The following TYW1B variants were observed in gnomAD, a reference collection of about 807,000 sequenced individuals.
TYW1B encodes the protein tRNA-yW synthesizing protein 1 homolog B.
Under a neutral mutation model 86.9 loss-of-function variants are expected in TYW1B, and 73 were observed. The observed-to-expected ratio is 0.84, with a 90% confidence interval of 0.70 to 1.02. The LOEUF is 1.02. Ranked by LOEUF, TYW1B falls within the 50% of genes least tolerant of loss-of-function variation. The pLI, the probability that TYW1B is intolerant of heterozygous loss-of-function variation, is 0.00. For synonymous variants in TYW1B, 248 were observed against 292.8 expected (o/e 0.85, Z 1.56); for missense variants, 637 against 827.4 (o/e 0.77, Z 2.82).
chr7:72,601,727 A>T (rs1554433771), intron 13 of TYW1B, among the ~76,000 whole-genome samples: 1 of 151,782 alleles, frequency 6.6e-6, no homozygotes, highest in Non-Finnish European at 1.5e-5. Context: ...TGCACGAAAG[A>T]ATCTTAAATG....
chr7:72,667,607 G>A (rs781933796), intron 11 of TYW1B, among the ~76,000 whole-genome samples: 7 of 152,114 alleles, frequency 4.6e-5, no homozygotes, highest in African/African-American at 1.4e-4. Flanking sequence ...CCAGCTACTC[G>A]GAAGGCTGAG....
intron 11 of TYW1B, among the ~76,000 whole-genome samples, chr7:72,643,436 A>T (rs1407521089): frequency 6.6e-6 from 1 of 151,880 alleles, no homozygotes; most frequent in Admixed American, 6.6e-5. Context: ...AAAATTCAAA[A>T]ATTAGCCAGG....
At chr7:72,625,128 G>T (rs369869202) in intron 12 of TYW1B, among the ~76,000 whole-genome samples, 2 of 151,918 alleles carry the variant, frequency 1.3e-5, no homozygotes, top group East Asian at 3.9e-4. Context: ...AAATCTCTCA[G>T]AGTAGGTCAT....
At chr7:72,784,793 C>T (rs1451386984) in intron 6 of TYW1B, among the ~76,000 whole-genome samples, 6 of 152,082 alleles carry the variant, frequency 3.9e-5, no homozygotes, top group Admixed American at 1.3e-4. Context: ...CCACTGCGCC[C>T]GGCCTCCTAA....
At chr7:72,726,677 T>C (rs1408824141) in intron 9 of TYW1B, among the ~76,000 whole-genome samples, 2 of 152,162 alleles carry the variant, frequency 1.3e-5, no homozygotes, top group African/African-American at 2.4e-5. Context: ...TGAATAATTA[T>C]CTTTTATAAA....
rs190234723 is a variant in TYW1B at position 72,639,043 on chromosome 7, G to C, written c.1507-10046C>G. Among the ~76,000 whole-genome samples the C allele has an allele frequency of 5.3e-5, 8 of 152,186 alleles. No individual in the cohort carries two copies. In the East Asian group the frequency reaches 1.4e-3, roughly 26 times the overall value. ...CACACAAGAAAGGGAAACAGGATTGGAGCAATCACATTACAAGAAGTATAA... is the reference window on the plus strand; with the variant it reads ...CACACAAGAAAGGGAAACAGGATTGCAGCAATCACATTACAAGAAGTATAA... On this transcript the variant is annotated intron_variant, in intron 11 of 13. Coordinates refer to ENST00000620995, the MANE Select transcript of TYW1B (RefSeq NM_001145440.3).
intron 13 of TYW1B, among the ~76,000 whole-genome samples, chr7:72,603,274 AGAC>A (rs1554434225): frequency 2.0e-5 from 3 of 151,382 alleles, no homozygotes; most frequent in Non-Finnish European, 4.4e-5. Flanking sequence ...ATGGACAGAC[AGAC>A]GACAGACAAA....
chr7:72,694,695 C>A lies in TYW1B; in HGVS notation c.1498G>T (p.Ala500Ser), dbSNP rs1306275500. The A allele has an allele frequency of 4.4e-6, 7 of 1,608,570 alleles. No individual in the cohort carries two copies. Among genetic ancestry groups the A allele is most frequent in the African/African-American group, 2.7e-5 (2 of 74,564 alleles). ...QQFLDSLKAL[A>S]VKQQRTVYRL... Reference sequence around the variant, plus strand: ...GATGTCATAATTCTTACCTTGACTGCCAAGGCTTTTAAACTGTCAAGGAAT... The same window carrying A: ...GATGTCATAATTCTTACCTTGACTGACAAGGCTTTTAAACTGTCAAGGAAT... Residue 500 changes from alanine to serine, a missense_variant, in exon 11 of 14, where the codon GCA (alanine) becomes TCA (serine). By Grantham distance (99) the Ala-to-Ser change is moderately conservative. Coordinates refer to ENST00000620995, the MANE Select transcript of TYW1B (RefSeq NM_001145440.3).
chr7:72,653,520 T>G (rs1446450690), intron 11 of TYW1B, among the ~76,000 whole-genome samples: 3 of 151,846 alleles, frequency 2.0e-5, no homozygotes, highest in Non-Finnish European at 2.9e-5. Flanking sequence ...GGCAGGAGAA[T>G]GGCGTGAACC....
intron 7 of TYW1B, among the ~76,000 whole-genome samples, chr7:72,775,731 A>G (rs1429485698): frequency 4.2e-5 from 6 of 142,948 alleles, no homozygotes; most frequent in Non-Finnish European, 9.3e-5. Flanking sequence ...TTTAAATTAG[A>G]AAAAAAAAAA....
intron 7 of TYW1B, among the ~76,000 whole-genome samples, chr7:72,765,059 G>A (rs1787748246): frequency 6.6e-6 from 1 of 151,978 alleles, no homozygotes; most frequent in African/African-American, 2.4e-5. Context: ...TATAAACATC[G>A]GTTATATACC....
intron 9 of TYW1B, among the ~76,000 whole-genome samples, chr7:72,724,971 CTT>C (rs1205305146): frequency 4.6e-5 from 7 of 152,092 alleles, no homozygotes; most frequent in African/African-American, 1.7e-4. Flanking sequence ...TTTTAAAACT[CTT>C]TTGTTTTCCT....
At position 72,793,744 on chromosome 7, in the gene TYW1B, G is replaced by C. The variant is rs565715111; in HGVS notation, c.846+8656C>G. 1.3e-3 allele frequency among the ~76,000 whole-genome samples: 186 copies of C among 144,478 alleles called. 1 individual carries two copies. Among genetic ancestry groups the C allele is most frequent in the Non-Finnish European group, 2.3e-3 (156 of 66,974 alleles). 94.8% of individuals were successfully genotyped at this position (144,478 alleles called of 152,430 possible). A position where few individuals can be genotyped will look rare whatever the true frequency, so the allele number is the denominator to read the frequency against. ...CACTCCAGCCTTGGCGACAGAACGA[G>C]ACTCCGTCTCAAAAAAAAAAAAAAA... On this transcript the variant is annotated intron_variant, in intron 6 of 13. Coordinates refer to ENST00000620995, the MANE Select transcript of TYW1B (RefSeq NM_001145440.3).
intron 11 of TYW1B, among the ~76,000 whole-genome samples, chr7:72,682,337 C>T (rs1554448595): frequency 6.6e-6 from 1 of 151,976 alleles, no homozygotes; most frequent in African/African-American, 2.4e-5. Context: ...GATGGTTCAT[C>T]AATAAATGGT....
rs1203965930 is a variant in TYW1B, at chr7:72,710,817, TAAAC to T, written c.1370+2800_1370+2803del. On this transcript the variant is annotated intron_variant, in intron 10 of 13. Transcript: ENST00000620995. ...AGCTAGACTTTGTCTCAAAAATAAA[TAAAC>T]AAATATTTCAAGCTGACTCTGTGTG... is the stretch of plus-strand genomic sequence containing the variant. 5.9e-5 allele frequency among the ~76,000 whole-genome samples: 9 copies of T among 152,204 alleles called. No individual in the cohort carries two copies. In the East Asian group the frequency reaches 1.5e-3, roughly 26 times the overall value.
At chr7:72,806,103 T>C (rs1554476624) in intron 5 of TYW1B, among the ~76,000 whole-genome samples, 1 of 152,014 alleles carries the variant, frequency 6.6e-6, no homozygotes, top group East Asian at 1.9e-4. Context: ...CTCAGGATAA[T>C]GAGACGTGAG....
rs189990527 is a variant in TYW1B, at chr7:72,622,755, C to T, written c.1618-5916G>A. Among the ~76,000 whole-genome samples, 370 of 150,328 alleles carry T rather than the reference C, an allele frequency of 2.5e-3. 14 individuals are homozygous for T. Among genetic ancestry groups the T allele is most frequent in the Admixed American group, 0.022 (336 of 15,120 alleles). On this transcript the variant is annotated intron_variant, in intron 12 of 13. Coordinates refer to ENST00000620995, the MANE Select transcript of TYW1B (RefSeq NM_001145440.3). ...TGCACACATACAACACACACAAGTG[C>T]ACACACCACACACATGCACGCACAC...
chr7:72,648,412 G>A (rs1457057676), intron 11 of TYW1B, among the ~76,000 whole-genome samples: 2 of 151,882 alleles, frequency 1.3e-5, no homozygotes, highest in Non-Finnish European at 2.9e-5. Flanking sequence ...ACTTGGTAGC[G>A]CATGCCTGTA....
In TYW1B at chr7:72,680,071, G is replaced by A. The variant is rs141530279; in HGVS notation, c.1506+14616C>T. On this transcript the variant is annotated intron_variant, in intron 11 of 13. Transcript: ENST00000620995. ...TTGAGTCCAGGAGTTCAAGGCTGTG[G>A]TGAGCCATGATCATACTGTGGCACT... 4.7e-4 allele frequency among the ~76,000 whole-genome samples: 72 copies of A among 152,354 alleles called. No individual in the cohort carries two copies. The East Asian group carries it at 0.014, about 29-fold the overall frequency.
Sources: gnomAD v4.1 joint callset for allele counts (sites outside exome capture counted in the v4.1 genomes callset) on GRCh38, gnomAD v4.1.1 for gene constraint, MANE v1.5 for transcripts, NCBI Gene and HGNC (gene_info 2026-07-23, HGNC 2026-07-21) for gene names.